Variants in KIF5A observed in about 807,000 individuals in gnomAD.
KIF5A encodes the protein kinesin family member 5A, also known as kinesin heavy chain isoform 5A.
KIF5A carries 35 observed loss-of-function variants against 141.3 expected under a neutral mutation model. The observed-to-expected ratio is 0.25, with a 90% CI of 0.19 to 0.33. KIF5A has a LOEUF of 0.33. Ranked by LOEUF, KIF5A falls within the 10% of genes least tolerant of loss-of-function variation. KIF5A has a pLI of 1.00. For missense variants in KIF5A, 861 were observed against 1,314.3 expected (o/e 0.66, Z 5.33); for synonymous variants, 448 against 500.2 (o/e 0.90, Z 1.39).
At chr12:57,555,614 T>C (rs1345424711) in intron 1 of KIF5A, among the ~76,000 whole-genome samples, 1 of 147,626 alleles carries the variant, frequency 6.8e-6, no homozygotes, top group African/African-American at 2.5e-5. Flanking sequence ...TAAATAAAAA[T>C]TAAAAAAACA....
intron 25 of KIF5A, 138 bp downstream of exon 25, chr12:57,581,706 G>A (rs567189311): frequency 8.1e-7 from 1 of 1,238,802 alleles, no homozygotes; most frequent in South Asian, 1.2e-5. Flanking sequence ...TGATTAGAAG[G>A]TAGGTGTCTG....
chr12:57,568,635 T>A (rs1050513733), intron 8 of KIF5A, among the ~76,000 whole-genome samples: 1 of 151,516 alleles, frequency 6.6e-6, no homozygotes, highest in Non-Finnish European at 1.5e-5. Flanking sequence ...TGAGGCAGGA[T>A]AACCGCTTGA....
intron 6 of KIF5A, among the ~76,000 whole-genome samples, chr12:57,565,858 C>T (rs1212436463): frequency 6.6e-6 from 1 of 151,500 alleles, no homozygotes; most frequent in Non-Finnish European, 1.5e-5. Context: ...TTCCTGACCT[C>T]AGGTGATCCA....
rs912576062 is a variant in KIF5A at position 57,582,635 on chromosome 12, A to G, written c.3020+6A>G. 1 of 1,606,330 alleles carries G rather than the reference A, an allele frequency of 6.2e-7. No homozygotes were observed. The highest frequency in any genetic ancestry group is 1.3e-5 in the African/African-American group (1 of 74,722). ...ACAGATATCAATGACAATAGGTACA[A>G]CAGTCCCCACTACCCCTGGGTTCTC... On this transcript the variant is annotated splice_donor_region_variant and intron_variant, in intron 27 of 28. Transcript: ENST00000455537.
chr12:57,563,664 A>T lies in KIF5A; in HGVS notation c.262A>T (p.Thr88Ser). ...TGGCACCATTTTTGCTTATGGACAGACATCCTCAGGGAAAACACATACCAT... is the reference window on the plus strand; with the variant it reads ...TGGCACCATTTTTGCTTATGGACAGTCATCCTCAGGGAAAACACATACCAT... ...YNGTIFAYGQ[T>S]SSGKTHTMEG... Residue 88 changes from threonine (T) to serine (S), a missense_variant, in exon 3 of 29, where the codon ACA (threonine) becomes TCA (serine). Transcript: ENST00000455537. 6.2e-7 allele frequency: 1 copy of T among 1,614,156 alleles called. No homozygotes were observed.
rs1287318183 is a variant in KIF5A, at chr12:57,550,616, G to T, written c.129+216G>T. Among the ~76,000 whole-genome samples the T allele has an allele frequency of 6.6e-6, 1 of 152,192 alleles. No homozygotes were observed. The highest frequency in any genetic ancestry group is 1.9e-4 in the East Asian group (1 of 5,192). The stretch of plus-strand genomic sequence containing the variant: ...AGTCTCTGCAGAGTGGCAGGGGGCT[G>T]CTTTCCTACCTTCGGGAGATCCAAC... On this transcript the variant is annotated intron_variant, in intron 1 of 28. Transcript: ENST00000455537. This position sits in a 1 kb window ranked among gnomAD's most constrained non-coding sequence, Gnocchi z 4.6.
Position 57,567,200 on chromosome 12 carries a change from T to C in KIF5A, c.576T>C (p.His192=). ...DVIDEGKSNR[H]VAVTNMNEHS... ...TTGATGAAGGGAAATCAAATCGTCA[T>C]GTGGCTGTCACCAGTGAGTGAGGAT... The change falls in exon 7 of 29, where the codon CAT becomes CAC. Residue 192 remains histidine (H), a synonymous_variant. Transcript: ENST00000455537. The C allele has an allele frequency of 6.2e-7, 1 of 1,612,294 alleles. No individual in the cohort carries two copies. Among genetic ancestry groups the C allele is most frequent in the East Asian group, 2.2e-5 (1 of 44,828 alleles).
chr12:57,583,015 C>A, intron 27 of KIF5A, 86 bp from the exon 28 acceptor site: 1 of 1,118,568 alleles, frequency 8.9e-7, no homozygotes, highest in Middle Eastern at 1.9e-4. Context: ...TGTGATCTCA[C>A]AGGGACACTC....
chr12:57,578,200 C>G, intron 22 of KIF5A, 38 bp from the exon 23 acceptor site: 2 of 1,595,564 alleles, frequency 1.3e-6, no homozygotes, highest in Non-Finnish European at 1.7e-6. Flanking sequence ...CCTGTTTGGC[C>G]TCAGGACAGC....
At position 57,582,071 on chromosome 12, in the gene KIF5A, CTT is replaced by C; in HGVS notation, c.2992+120_2992+121del. On this transcript the variant is annotated intron_variant, in intron 26 of 28. Coordinates refer to ENST00000455537, the MANE Select transcript of KIF5A (RefSeq NM_004984.4). ...ACTGAACCTTTCTGGTGTGCCAAGGCTTCAAATAAAAAAAAAAATACATATAG... is the reference window on the plus strand; with the variant it reads ...ACTGAACCTTTCTGGTGTGCCAAGGCCAAATAAAAAAAAAAATACATATAG... The C allele has an allele frequency of 2.9e-5, 24 of 833,178 alleles. No individual in the cohort carries two copies. In the South Asian group the frequency reaches 3.4e-4, roughly 12 times the overall value. 51.6% of individuals were successfully genotyped at this position (833,178 alleles called of 1,614,324 possible).
At chr12:57,569,445 T>G (rs1171398344) in intron 10 of KIF5A, 41 bp downstream of exon 10, 1 of 1,613,634 alleles carries the variant, frequency 6.2e-7, no homozygotes, top group Non-Finnish European at 8.5e-7. Context: ...GGTACCCAGC[T>G]TCCCATCCCA....
intron 20 of KIF5A, 114 bp from the exon 21 acceptor site, chr12:57,577,599 C>A: frequency 1.2e-6 from 1 of 858,180 alleles, no homozygotes; most frequent in Non-Finnish European, 1.9e-6. Flanking sequence ...GACCCTGTTT[C>A]ACAAAATAAC....
intron 23 of KIF5A, 111 bp from the exon 24 acceptor site, chr12:57,580,845 C>T (rs916003980): frequency 3.2e-6 from 3 of 941,336 alleles, no homozygotes; most frequent in Non-Finnish European, 3.3e-6. Context: ...TTCTCTGACT[C>T]CTGATTTTTC....
rs1417098726 is a variant in KIF5A at position 57,585,291 on chromosome 12, A to T, written c.*1110A>T. ...GGAGCCTGACTTTTCCCCAATGTAC[A>T]TTTTTTTTTTCTCCACAAAGAGTTC... On this transcript the variant is annotated 3_prime_UTR_variant, in exon 29 of 29. Coordinates refer to ENST00000455537, the MANE Select transcript of KIF5A (RefSeq NM_004984.4). 1.1e-4 allele frequency: 16 copies of T among 150,702 alleles called. No individual in the cohort carries two copies. The highest frequency in any genetic ancestry group is 9.4e-4 in the Admixed American group (14 of 14,848). The allele number at this position is 150,702 out of a possible 1,614,324, so 9.3% of individuals were successfully genotyped here.
rs375902978 is a variant in KIF5A at position 57,550,259 on chromosome 12, G to A, written c.-13G>A. The A allele has an allele frequency of 1.4e-5, 22 of 1,613,864 alleles. No homozygotes were observed. Among genetic ancestry groups the A allele is most frequent in the Non-Finnish European group, 1.9e-5 (22 of 1,179,960 alleles). ...AGCCCAAGAAGAGTCCCAGCCCCACGCCGGCTACCACCATGGCGGAGACCA... is the reference window on the plus strand; with the variant it reads ...AGCCCAAGAAGAGTCCCAGCCCCACACCGGCTACCACCATGGCGGAGACCA... On this transcript the variant is annotated 5_prime_UTR_variant, in exon 1 of 29. Transcript: ENST00000455537. This position sits in a 1 kb window ranked among gnomAD's most constrained non-coding sequence, Gnocchi z 4.6.
intron 16 of KIF5A, 61 bp from the exon 17 acceptor site, chr12:57,575,578 GT>G (rs1882395782): frequency 7.4e-7 from 1 of 1,350,270 alleles, no homozygotes; most frequent in Non-Finnish European, 1.1e-6. Context: ...TTGGAGATCT[GT>G]GTGGCCTGGG....
chr12:57,566,093 G>GT (rs927671693), intron 6 of KIF5A, among the ~76,000 whole-genome samples: 1 of 150,742 alleles, frequency 6.6e-6, no homozygotes, highest in Non-Finnish European at 1.5e-5. Flanking sequence ...AGAGACAGTG[G>GT]TTTTTTTTGT....
At chr12:57,573,962 A>G (rs760196527) in intron 15 of KIF5A, among the ~76,000 whole-genome samples, 42 of 151,602 alleles carry the variant, frequency 2.8e-4, no homozygotes, top group Non-Finnish European at 4.3e-4. Flanking sequence ...GGGCGCCTGT[A>G]GTCCCAGCTA....
rs202202417 is a variant in KIF5A, at chr12:57,550,439, G to A, written c.129+39G>A. 2.1e-5 allele frequency: 34 copies of A among 1,610,732 alleles called. No homozygotes were observed. In the East Asian group the frequency reaches 6.0e-4, roughly 29 times the overall value. ...AGGAGGGAATTCGGGGAGGGGGCAG[G>A]TGGCTGAATCTCCCCGCCCCCCGCA... On this transcript the variant is annotated intron_variant, in intron 1 of 28. Transcript: ENST00000455537. This position sits in a 1 kb window ranked among gnomAD's most constrained non-coding sequence, Gnocchi z 4.6.
Sources: allele counts gnomAD v4.1 joint callset (sites outside exome capture counted in the v4.1 genomes callset), GRCh38; gene constraint gnomAD v4.1.1; non-coding constraint Gnocchi (gnomAD v3.1); transcripts MANE v1.5; gene names NCBI Gene and HGNC (gene_info 2026-07-23, HGNC 2026-07-21).